The following ENTREP2 variants were observed in gnomAD, a reference collection of about 807,000 sequenced individuals.
ENTREP2 encodes the protein protein ENTREP2.
At chr15:29,150,925 G>A in the ENTREP2 span, among the ~76,000 whole-genome samples, 1 of 152,100 alleles carries the variant, frequency 6.6e-6, no homozygotes, top group South Asian at 2.1e-4. Context: ...GACCGAGGCA[G>A]AAAGACACAC....
At chr15:29,238,965 G>A in the ENTREP2 span, among the ~76,000 whole-genome samples, 8 of 151,998 alleles carry the variant, frequency 5.3e-5, no homozygotes, top group Admixed American at 2.0e-4. Flanking sequence ...TATGAGATTC[G>A]GGTGGGGACA....
the ENTREP2 span, among the ~76,000 whole-genome samples, chr15:29,197,387 G>A: frequency 1.3e-5 from 2 of 152,144 alleles, no homozygotes; most frequent in Admixed American, 1.3e-4. Flanking sequence ...AGGAGTTTGA[G>A]ACCAGCCTGG....
At chr15:29,649,751 A>G in the ENTREP2 span, among the ~76,000 whole-genome samples, 8 of 150,214 alleles carry the variant, frequency 5.3e-5, no homozygotes, top group Non-Finnish European at 1.0e-4. Flanking sequence ...AAAAAGAAAG[A>G]AAGAAAGAAA....
At chr15:29,158,404 C>CCTTT in the ENTREP2 span, among the ~76,000 whole-genome samples, 3 of 66,852 alleles carry the variant, frequency 4.5e-5, no homozygotes, top group African/African-American at 1.6e-4. Context: ...ATTATCTCTG[C>CCTTT]CTTTTTTTTT....
the ENTREP2 span, among the ~76,000 whole-genome samples, chr15:29,587,052 T>G: frequency 6.6e-6 from 1 of 152,014 alleles, no homozygotes; most frequent in East Asian, 1.9e-4. Context: ...ATACCCAGGC[T>G]AGGTTACATA....
the ENTREP2 span, among the ~76,000 whole-genome samples, chr15:29,235,821 G>T: frequency 6.6e-6 from 1 of 152,036 alleles, no homozygotes; most frequent in Non-Finnish European, 1.5e-5. Flanking sequence ...AACATTAGCT[G>T]GGCATGGTGG....
At chr15:29,334,509 G>C in the ENTREP2 span, among the ~76,000 whole-genome samples, 180 of 152,350 alleles carry the variant, frequency 1.2e-3, 4 homozygotes, top group Admixed American at 0.011. Context: ...GGGCTACGAT[G>C]AAAGTCTCTG....
the ENTREP2 span, among the ~76,000 whole-genome samples, chr15:29,339,864 C>T: frequency 1.3e-5 from 2 of 152,270 alleles, no homozygotes; most frequent in South Asian, 2.1e-4. Context: ...CAGTAGGCGG[C>T]TCAACTGATT....
At chr15:29,286,550 T>A in the ENTREP2 span, among the ~76,000 whole-genome samples, 1 of 152,190 alleles carries the variant, frequency 6.6e-6, no homozygotes, top group Non-Finnish European at 1.5e-5. Context: ...TGTGGCCTGC[T>A]TTGAACAATG....
the ENTREP2 span, among the ~76,000 whole-genome samples, chr15:29,280,490 A>C: frequency 6.6e-6 from 1 of 152,216 alleles, no homozygotes; most frequent in Non-Finnish European, 1.5e-5. Context: ...CTGGGGAAGG[A>C]AGAGGAAGAG....
At chr15:29,552,423 C>T in the ENTREP2 span, among the ~76,000 whole-genome samples, 1 of 151,918 alleles carries the variant, frequency 6.6e-6, no homozygotes, top group Admixed American at 6.5e-5. Flanking sequence ...GGAAACAGTA[C>T]ACGCACACAC....
At chr15:29,293,416 T>G in the ENTREP2 span, among the ~76,000 whole-genome samples, 1 of 120,844 alleles carries the variant, frequency 8.3e-6, no homozygotes, top group Admixed American at 8.6e-5. Flanking sequence ...CCTGGCTAAT[T>G]TTTTGTATTT....
the ENTREP2 span, among the ~76,000 whole-genome samples, chr15:29,510,072 T>C: frequency 6.6e-6 from 1 of 152,094 alleles, no homozygotes; most frequent in Non-Finnish European, 1.5e-5. Flanking sequence ...AACAACTCCA[T>C]CAAAAAGTGG....
chr15:29,298,879 G>C, the ENTREP2 span, among the ~76,000 whole-genome samples: 1 of 146,944 alleles, frequency 6.8e-6, no homozygotes, highest in Admixed American at 6.6e-5. Flanking sequence ...CATAATCTTA[G>C]TACCAACCTC....
At chr15:29,196,742 C>T in the ENTREP2 span, 1 of 547,076 alleles carries the variant, frequency 1.8e-6, no homozygotes, top group Non-Finnish European at 3.0e-6. Flanking sequence ...AGGAGGACTT[C>T]AAATTCCTAT....
chr15:29,397,054 C>G, the ENTREP2 span, among the ~76,000 whole-genome samples: 1 of 152,136 alleles, frequency 6.6e-6, no homozygotes, highest in African/African-American at 2.4e-5. Flanking sequence ...ACCCAGGTTA[C>G]TGGCTAAAAC....
the ENTREP2 span, among the ~76,000 whole-genome samples, chr15:29,391,586 T>C: frequency 1.3e-5 from 2 of 152,180 alleles, no homozygotes; most frequent in African/African-American, 4.8e-5. Context: ...TGCATGCTTC[T>C]TTGATGCACA....
chr15:29,542,084 C>A, the ENTREP2 span, among the ~76,000 whole-genome samples: 1 of 152,350 alleles, frequency 6.6e-6, no homozygotes, highest in East Asian at 1.9e-4. Context: ...TCTCGGTTCA[C>A]TGCAACCTCT....
the ENTREP2 span, among the ~76,000 whole-genome samples, chr15:29,366,878 T>A: frequency 1.3e-5 from 2 of 152,284 alleles, no homozygotes; most frequent in South Asian, 4.1e-4. Flanking sequence ...GAACAACAAG[T>A]GATTCCTATT....
Sources: allele counts gnomAD v4.1 joint callset (sites outside exome capture counted in the v4.1 genomes callset), GRCh38; gene constraint gnomAD v4.1.1; transcripts MANE v1.5; gene names NCBI Gene and HGNC (gene_info 2026-07-23, HGNC 2026-07-21).